ERBB4: variants seen among roughly 807,000 people sequenced by gnomAD.
ERBB4 encodes the protein receptor tyrosine-protein kinase erbB-4.
A neutral mutation model predicts 158.0 loss-of-function variants in ERBB4; 42 were observed. The ratio of observed to expected loss-of-function variants is 0.27; its 90% CI spans 0.21 to 0.34. ERBB4 has a LOEUF of 0.34. Ranked by LOEUF, ERBB4 falls within the 10% of genes least tolerant of loss-of-function variation. ERBB4 has a pLI of 1.00. For synonymous variants in ERBB4, 583 were observed against 558.7 expected, an observed-to-expected ratio of 1.04 and a Z score of -0.61; for missense variants, 1,333 against 1,624.1, an observed-to-expected ratio of 0.82 and a Z score of 3.08.
rs150522302 is a variant in ERBB4 at position 212,511,232 on chromosome 2, T to A, written c.82+27217A>T. Among the ~76,000 whole-genome samples the A allele has an allele frequency of 9.2e-5, 14 of 152,304 alleles. No individual in the cohort carries two copies. The East Asian group carries it at 2.3e-3, about 25-fold the overall frequency. On this transcript the variant is annotated intron_variant, in intron 1 of 27. Transcript: ENST00000342788. ...TTTTAGACCTTCGGCAAACAGAGTA[T>A]CTTTTCATTGAAAGCTGATGAGCAT...
chr2:211,764,071 A>C (rs2075487137), intron 4 of ERBB4, among the ~76,000 whole-genome samples: 1 of 152,226 alleles, frequency 6.6e-6, no homozygotes, highest in South Asian at 2.1e-4. Flanking sequence ...TATAGTAAGT[A>C]ATAAGCCTAA....
rs1003880906 is a variant in ERBB4 at position 212,203,110 on chromosome 2, C to T, written c.83-78207G>A. Among the ~76,000 whole-genome samples, 4 of 151,760 alleles carry T rather than the reference C, an allele frequency of 2.6e-5. No individual in the cohort carries two copies. In the South Asian group the frequency reaches 8.3e-4, roughly 31 times the overall value. On this transcript the variant is annotated intron_variant, in intron 1 of 27. Coordinates refer to ENST00000342788, the MANE Select transcript of ERBB4 (RefSeq NM_005235.3). ...GAGAGCTTACATTTAGGGGAATCAA[C>T]TAGAAATAAAAATTAACACGGACAT...
rs2106132566 is a variant in ERBB4, at chr2:211,725,183, C to T, written c.634G>A (p.Val212Met). 6.2e-7 allele frequency: 1 copy of T among 1,613,320 alleles called. No individual in the cohort carries two copies. Among genetic ancestry groups the T allele is most frequent in the Non-Finnish European group, 8.5e-7 (1 of 1,179,314 alleles). ...CTGCCGTCACATTGTTCTGCACACACCGTCCTTGTCACTGCAGAAGACAGA... is the reference window on the plus strand; with the variant it reads ...CTGCCGTCACATTGTTCTGCACACATCGTCCTTGTCACTGCAGAAGACAGA... The part of the protein sequence containing the change: ...ENHCQTLTRT[V>M]CAEQCDGRCY... Residue 212 changes from valine (V) to methionine (M), a missense_variant, in exon 6 of 28, where the codon GTG (valine) becomes ATG (methionine). Transcript: ENST00000342788.
chr2:211,513,357 CAAAAAAA>C (rs61042785), intron 20 of ERBB4, among the ~76,000 whole-genome samples: 1 of 39,200 alleles, frequency 2.6e-5, no homozygotes, highest in African/African-American at 6.6e-5. Context: ...GACTCCGTCT[CAAAAAAA>C]AAAAAAAAAA....
intron 3 of ERBB4, among the ~76,000 whole-genome samples, chr2:211,827,890 T>C (rs2077137413): frequency 6.6e-6 from 1 of 152,176 alleles, no homozygotes; most frequent in East Asian, 1.9e-4. Flanking sequence ...CTCTGAATGA[T>C]ACATTGATGG....
chr2:212,274,053 A>G (rs2085438704), intron 1 of ERBB4, among the ~76,000 whole-genome samples: 2 of 150,342 alleles, frequency 1.3e-5, no homozygotes, highest in African/African-American at 4.9e-5. Context: ...TGTGTTACAT[A>G]CTATATTCTT....
intron 20 of ERBB4, among the ~76,000 whole-genome samples, chr2:211,551,242 C>T (rs1218861537): frequency 6.6e-6 from 1 of 152,094 alleles, no homozygotes; most frequent in East Asian, 1.9e-4. Context: ...ATGCCGCTGA[C>T]ATACACAAAA....
At chr2:211,740,648 G>A (rs1162684063) in intron 5 of ERBB4, among the ~76,000 whole-genome samples, 2 of 85,930 alleles carry the variant, frequency 2.3e-5, no homozygotes, top group Non-Finnish European at 4.3e-5. Context: ...TTTTTTTTGA[G>A]ACAGAGTCTC....
chr2:211,491,668 T>C (rs2065346678), intron 20 of ERBB4, among the ~76,000 whole-genome samples: 1 of 152,046 alleles, frequency 6.6e-6, no homozygotes, highest in African/African-American at 2.4e-5. Context: ...AATTAGGAAG[T>C]AAATTTAAAA....
intron 3 of ERBB4, among the ~76,000 whole-genome samples, chr2:211,939,946 CA>C (rs536778190): frequency 2.8e-5 from 3 of 108,802 alleles, no homozygotes; most frequent in Admixed American, 9.8e-5. Flanking sequence ...GACTCCGTCT[CA>C]AAAAAAAAGG....
intron 20 of ERBB4, among the ~76,000 whole-genome samples, chr2:211,478,946 C>T (rs2065021426): frequency 1.3e-5 from 2 of 152,086 alleles, no homozygotes; most frequent in South Asian, 2.1e-4. Flanking sequence ...ACTACATCCT[C>T]GGTTTCGTCT....
chr2:212,385,242 C>A (rs1452471396), intron 1 of ERBB4, among the ~76,000 whole-genome samples: 1 of 151,626 alleles, frequency 6.6e-6, no homozygotes. Flanking sequence ...TATATTATAC[C>A]TGTTAGGCTT....
At chr2:211,611,418 T>TGCTTTCGCTTTACTTTTGCTTTC (rs1460927383) in intron 19 of ERBB4, among the ~76,000 whole-genome samples, 4 of 152,232 alleles carry the variant, frequency 2.6e-5, no homozygotes, top group African/African-American at 9.6e-5. Context: ...GCTTTACTTT[T>TGCTTTCGCTTTACTTTTGCTTTC]GCTTTCGCTT....
chr2:211,971,882 ACTC>A (rs1209848253), intron 2 of ERBB4, among the ~76,000 whole-genome samples: 2 of 152,034 alleles, frequency 1.3e-5, no homozygotes, highest in Admixed American at 6.6e-5. Flanking sequence ...ACCCTCTCTC[ACTC>A]CTCCTATTTA....
intron 1 of ERBB4, among the ~76,000 whole-genome samples, chr2:212,249,452 G>T: frequency 9.3e-6 from 1 of 107,664 alleles, no homozygotes; most frequent in African/African-American, 3.4e-5. Context: ...AAGATAGGTT[G>T]AAACATACAA....
At chr2:212,255,008 A>G (rs1010541438) in intron 1 of ERBB4, among the ~76,000 whole-genome samples, 1 of 152,218 alleles carries the variant, frequency 6.6e-6, no homozygotes, top group African/African-American at 2.4e-5. Context: ...GTATAGTGTT[A>G]TATCTTAATC....
intron 1 of ERBB4, among the ~76,000 whole-genome samples, chr2:212,373,829 ATATATATATCCATG>A (rs1381354484): frequency 9.9e-4 from 88 of 88,570 alleles, no homozygotes; most frequent in African/African-American, 3.4e-3. Context: ...ATATCCATAT[ATATATATATCCATG>A]TATATATCCA....
intron 18 of ERBB4, among the ~76,000 whole-genome samples, chr2:211,623,578 C>T (rs1361739336): frequency 6.6e-6 from 1 of 152,014 alleles, no homozygotes; most frequent in Non-Finnish European, 1.5e-5. Context: ...TCATGGAGCA[C>T]TGTGTAGGGG....
chr2:211,855,685 T>C (rs2077838874), intron 3 of ERBB4, among the ~76,000 whole-genome samples: 1 of 152,174 alleles, frequency 6.6e-6, no homozygotes, highest in Non-Finnish European at 1.5e-5. Flanking sequence ...ATAATAGGCA[T>C]ACTGTGTACT....
Sources: allele counts gnomAD v4.1 joint callset (sites outside exome capture counted in the v4.1 genomes callset), GRCh38; gene constraint gnomAD v4.1.1; transcripts MANE v1.5; gene names NCBI Gene and HGNC (gene_info 2026-07-23, HGNC 2026-07-21).